Variants in RAD54B observed in about 807,000 individuals in gnomAD.
RAD54B encodes DNA repair and recombination protein RAD54B.
In RAD54B, 78 loss-of-function variants were observed where a neutral mutation model predicts 95.8. The ratio of observed to expected loss-of-function variants is 0.81; its 90% CI spans 0.68 to 0.98. RAD54B has a LOEUF of 0.98. Among genes scored for constraint, RAD54B ranks in the 50% least tolerant of loss-of-function variants. The pLI, the probability that RAD54B is intolerant of heterozygous loss-of-function variation, is 0.00. For synonymous variants in RAD54B, 328 were observed against 354.9 expected, an observed-to-expected ratio of 0.92 and a Z score of 0.85; for missense variants, 957 against 1,056.6, an observed-to-expected ratio of 0.91 and a Z score of 1.31.
intron 3 of RAD54B, among the ~76,000 whole-genome samples, chr8:94,447,726 T>C (rs1281585177): frequency 6.6e-6 from 1 of 152,130 alleles, no homozygotes; most frequent in Non-Finnish European, 1.5e-5. Context: ...TGATTCTGAG[T>C]AGGAACCATC....
rs1812870924 is a variant in RAD54B at position 94,460,126 on chromosome 8, G to A, written c.136-1690C>T. Among the ~76,000 whole-genome samples the A allele has an allele frequency of 2.0e-5, 3 of 150,224 alleles. No individual in the cohort carries two copies. In the South Asian group the frequency reaches 6.3e-4, roughly 31 times the overall value. On this transcript the variant is annotated intron_variant, in intron 2 of 14. Transcript: ENST00000336148. ...TGAGCCAAGATTGCGCCACTGCACTGCAGCCTGGGCAACAGAGCGAGACTC... is the reference window on the plus strand; with the variant it reads ...TGAGCCAAGATTGCGCCACTGCACTACAGCCTGGGCAACAGAGCGAGACTC...
At chr8:94,447,451 G>T (rs949641235) in intron 3 of RAD54B, among the ~76,000 whole-genome samples, 1 of 152,126 alleles carries the variant, frequency 6.6e-6, no homozygotes, top group African/African-American at 2.4e-5. Flanking sequence ...CATTTTATCA[G>T]TATAGTCAAC....
chr8:94,462,355 C>T lies in RAD54B; in HGVS notation c.136-3919G>A, dbSNP rs80146160. Among the ~76,000 whole-genome samples, 889 of 152,256 alleles carry T rather than the reference C, an allele frequency of 5.8e-3. 13 individuals are homozygous for T. Among genetic ancestry groups the T allele is most frequent in the African/African-American group, 0.02 (831 of 41,524 alleles). On this transcript the variant is annotated intron_variant, in intron 2 of 14. Transcript: ENST00000336148. ...TTGAACATTTACCCACTAGTTTTGGCATCCATTGAGACTCTCTAACACCAT... is the reference window on the plus strand; with the variant it reads ...TTGAACATTTACCCACTAGTTTTGGTATCCATTGAGACTCTCTAACACCAT...
chr8:94,386,846 C>T (rs1188576687), intron 11 of RAD54B, 138 bp downstream of exon 11: 2 of 569,198 alleles, frequency 3.5e-6, no homozygotes, highest in Non-Finnish European at 5.5e-6. Flanking sequence ...TTATGAAATA[C>T]TAGAAGCTAA....
At chr8:94,467,736 T>A (rs1472585861) in intron 1 of RAD54B, among the ~76,000 whole-genome samples, 181 bp from the exon 2 acceptor site, 3 of 152,190 alleles carry the variant, frequency 2.0e-5, no homozygotes, top group Non-Finnish European at 2.9e-5. Flanking sequence ...TTCCAGGCAC[T>A]TAGCTAGCCC....
At chr8:94,453,870 C>T (rs915666222) in intron 3 of RAD54B, among the ~76,000 whole-genome samples, 1 of 152,088 alleles carries the variant, frequency 6.6e-6, no homozygotes, top group African/African-American at 2.4e-5. Flanking sequence ...CGGCTCACTG[C>T]AACCTCTGCC....
At chr8:94,435,327 A>G (rs576301037) in intron 3 of RAD54B, among the ~76,000 whole-genome samples, 2 of 152,102 alleles carry the variant, frequency 1.3e-5, no homozygotes, top group African/African-American at 2.4e-5. Context: ...AATAAGCAGT[A>G]TCTGGTAAGA....
chr8:94,402,798 G>A (rs1393043810), intron 6 of RAD54B, among the ~76,000 whole-genome samples: 1 of 152,086 alleles, frequency 6.6e-6, no homozygotes, highest in Non-Finnish European at 1.5e-5. Flanking sequence ...AGCATCAGAA[G>A]CAAATATACA....
intron 3 of RAD54B, among the ~76,000 whole-genome samples, chr8:94,435,672 T>C (rs371363068): frequency 2.3e-4 from 35 of 152,236 alleles, no homozygotes; most frequent in African/African-American, 5.5e-4. Context: ...AATAGTTACA[T>C]AGAAGACAAG....
intron 2 of RAD54B, among the ~76,000 whole-genome samples, chr8:94,460,990 G>A (rs1010218193): frequency 4.0e-5 from 6 of 151,738 alleles, no homozygotes; most frequent in African/African-American, 9.7e-5. Context: ...CATTAATCAC[G>A]TCAGCAAAGT....
intron 3 of RAD54B, among the ~76,000 whole-genome samples, chr8:94,438,193 A>G (rs1812315929): frequency 6.6e-6 from 1 of 152,226 alleles, no homozygotes; most frequent in Non-Finnish European, 1.5e-5. Context: ...CTTGTTTTTC[A>G]TTCTTTTAAC....
chr8:94,444,685 C>A (rs1812479495), intron 3 of RAD54B, among the ~76,000 whole-genome samples: 1 of 152,226 alleles, frequency 6.6e-6, no homozygotes, highest in African/African-American at 2.4e-5. Flanking sequence ...GAGCTCCAGT[C>A]TGTCTGGAGA....
chr8:94,467,601 A>G (rs573592195), intron 1 of RAD54B, 46 bp from the exon 2 acceptor site: 4 of 1,535,872 alleles, frequency 2.6e-6, no homozygotes, highest in Admixed American at 1.9e-5. Flanking sequence ...TCTAATTACA[A>G]TCACCCCCAA....
chr8:94,434,947 T>C (rs1257114304), intron 3 of RAD54B, among the ~76,000 whole-genome samples: 1 of 151,650 alleles, frequency 6.6e-6, no homozygotes, highest in Non-Finnish European at 1.5e-5. Flanking sequence ...TGTAACCAGA[T>C]ACTTGTATAT....
At chr8:94,443,137 C>CA (rs1044542447) in intron 3 of RAD54B, among the ~76,000 whole-genome samples, 4 of 152,128 alleles carry the variant, frequency 2.6e-5, no homozygotes, top group African/African-American at 7.2e-5. Context: ...AGGGACAAGA[C>CA]AAAAAATCAC....
At chr8:94,453,001 C>T (rs1023842704) in intron 3 of RAD54B, among the ~76,000 whole-genome samples, 1 of 152,090 alleles carries the variant, frequency 6.6e-6, no homozygotes, top group Non-Finnish European at 1.5e-5. Context: ...CTGTACTAAC[C>T]TCTGTAGAAG....
At chr8:94,385,648 A>C (rs1237216976) in intron 11 of RAD54B, among the ~76,000 whole-genome samples, 1 of 152,190 alleles carries the variant, frequency 6.6e-6, no homozygotes, top group Non-Finnish European at 1.5e-5. Flanking sequence ...TCTATCACCT[A>C]GGCTGGCCTC....
chr8:94,403,779 A>G (rs1364707706), intron 6 of RAD54B, among the ~76,000 whole-genome samples: 1 of 152,122 alleles, frequency 6.6e-6, no homozygotes, highest in Non-Finnish European at 1.5e-5. Flanking sequence ...ATTATACCAC[A>G]TTAAGGTCAA....
At chr8:94,473,983 T>C (rs921181778) in intron 1 of RAD54B, among the ~76,000 whole-genome samples, 2 of 152,168 alleles carry the variant, frequency 1.3e-5, no homozygotes, top group Non-Finnish European at 2.9e-5. Context: ...TTTGCCCAAC[T>C]GTAGATTAAG....
Sources: gnomAD v4.1 joint callset for allele counts (sites outside exome capture counted in the v4.1 genomes callset) on GRCh38, gnomAD v4.1.1 for gene constraint, MANE v1.5 for transcripts, NCBI Gene and HGNC (gene_info 2026-07-23, HGNC 2026-07-21) for gene names.